The following PTK2 variants were observed in gnomAD, a reference collection of about 807,000 sequenced individuals.
The protein encoded by PTK2 is focal adhesion kinase 1.
A neutral mutation model predicts 150.1 loss-of-function variants in PTK2; 45 were observed. That is an observed-to-expected ratio of 0.30 (90% CI 0.24 to 0.38). The LOEUF is 0.38. Among genes scored for constraint, PTK2 ranks in the 10% least tolerant of loss-of-function variants. The probability of loss-of-function intolerance (pLI) is 1.00; values close to 1 mark genes in which losing one functional copy is unlikely to be tolerated. For synonymous variants in PTK2, 432 were observed against 449.2 expected, an observed-to-expected ratio of 0.96 and a Z score of 0.48; for missense variants, 919 against 1,307.3, an observed-to-expected ratio of 0.70 and a Z score of 4.58.
rs58884387 is a variant in PTK2 at position 140,699,156 on chromosome 8, C to T, written c.2499+1735G>A. Among the ~76,000 whole-genome samples the T allele has an allele frequency of 4.3e-3, 652 of 152,014 alleles. 9 individuals are homozygous for T. Among genetic ancestry groups the T allele is most frequent in the African/African-American group, 0.015 (618 of 41,430 alleles). On this transcript the variant is annotated intron_variant, in intron 26 of 31. Coordinates refer to ENST00000522684, the Ensembl canonical transcript of PTK2. Reference sequence around the variant, plus strand: ...GAAGGAAAGTTTTATCCTATGCTTTCGAAATTCTAAATTAGTTAAATTTAA... The same window carrying T: ...GAAGGAAAGTTTTATCCTATGCTTTTGAAATTCTAAATTAGTTAAATTTAA...
At chr8:140,831,736 T>C (rs2100115515) in intron 7 of PTK2, among the ~76,000 whole-genome samples, 2 of 152,270 alleles carry the variant, frequency 1.3e-5, no homozygotes, top group Admixed American at 1.3e-4. Flanking sequence ...ATTTAACTAC[T>C]GGTTTTACAT....
At chr8:140,769,226 C>A (rs1378048007) in intron 14 of PTK2, among the ~76,000 whole-genome samples, 1 of 152,152 alleles carries the variant, frequency 6.6e-6, no homozygotes, top group East Asian at 1.9e-4. Context: ...CACACAGATA[C>A]CACACTTGGG....
intron 26 of PTK2, chr8:140,686,923 G>C (rs1323857790): frequency 1.9e-6 from 1 of 521,290 alleles, no homozygotes; most frequent in East Asian, 3.4e-5. Context: ...TACCTGCACT[G>C]GCCCACCCAG....
At chr8:140,871,309 T>C (rs978600313) in intron 4 of PTK2, among the ~76,000 whole-genome samples, 8 of 152,180 alleles carry the variant, frequency 5.3e-5, no homozygotes, top group Admixed American at 5.2e-4. Flanking sequence ...GGAATGATCA[T>C]GGAATATGGA....
At chr8:140,882,226 T>G (rs918367144) in intron 3 of PTK2, among the ~76,000 whole-genome samples, 1 of 152,204 alleles carries the variant, frequency 6.6e-6, no homozygotes. Context: ...TTAAGTAATT[T>G]TGAGAACTAA....
intron 7 of PTK2, among the ~76,000 whole-genome samples, chr8:140,840,014 T>C (rs1000465781): frequency 1.3e-5 from 2 of 152,060 alleles, no homozygotes; most frequent in African/African-American, 4.8e-5. Context: ...AGCAGAACAA[T>C]ATATTTGGAA....
intron 8 of PTK2, among the ~76,000 whole-genome samples, chr8:140,829,599 TA>T (rs2100114078): frequency 6.6e-6 from 1 of 152,162 alleles, no homozygotes; most frequent in East Asian, 1.9e-4. Context: ...CATTTTCTCA[TA>T]ATGAGTATCT....
chr8:140,870,425 A>T (rs1191522679), intron 4 of PTK2, among the ~76,000 whole-genome samples: 1 of 152,262 alleles, frequency 6.6e-6, no homozygotes, highest in African/African-American at 2.4e-5. Context: ...AATGAAAACA[A>T]GTGAGCTAAG....
rs112005421 is a variant in PTK2, at chr8:140,929,344, A to G, written c.-121-3595T>C. 6.2e-3 allele frequency among the ~76,000 whole-genome samples: 947 copies of G among 152,302 alleles called. 11 individuals are homozygous for G. The highest frequency in any genetic ancestry group is 0.021 in the African/African-American group (869 of 41,560). ...TATATTTTACAACAAATCTGCAAAT[A>G]TAATTATGTTTACTTTTATAAATGA... On this transcript the variant is annotated intron_variant, in intron 1 of 31. Transcript: ENST00000522684.
At chr8:140,670,456 CAAAAAAAAAAAA>C (rs10558474) in intron 29 of PTK2, among the ~76,000 whole-genome samples, 2 of 17,834 alleles carry the variant, frequency 1.1e-4, no homozygotes, top group South Asian at 2.9e-3. Context: ...CACTGTGTCT[CAAAAAAAAAAAA>C]AAAAAAAAAA....
chr8:140,746,927 T>G, intron 17 of PTK2, 67 bp from the exon 21 acceptor site: 1 of 1,113,296 alleles, frequency 9.0e-7, no homozygotes, highest in Non-Finnish European at 1.3e-6. Context: ...AGTCTCATTC[T>G]GTCACCAGGC....
chr8:140,993,782 T>G (rs1487353668), intron 1 of PTK2, among the ~76,000 whole-genome samples: 1 of 152,012 alleles, frequency 6.6e-6, no homozygotes, highest in Non-Finnish European at 1.5e-5. Flanking sequence ...CAGGCTGGAG[T>G]GCAATGGTGC....
intron 8 of PTK2, among the ~76,000 whole-genome samples, chr8:140,819,563 T>G (rs554262239): frequency 1.3e-5 from 2 of 152,362 alleles, no homozygotes; most frequent in South Asian, 4.1e-4. Context: ...TAAACTATGG[T>G]GTATCTATCT....
At chr8:140,714,240 CTATAAAACTTACAAAACTTTTCACT>C (rs2100038315) in intron 23 of PTK2, among the ~76,000 whole-genome samples, 1 of 152,050 alleles carries the variant, frequency 6.6e-6, no homozygotes, top group South Asian at 2.1e-4. Flanking sequence ...GACTTTTCAC[CTATAAAACTTACAAAACTTTTCACT>C]TATAAAACTA....
intron 16 of PTK2, among the ~76,000 whole-genome samples, chr8:140,752,869 C>T (rs1482682149): frequency 1.3e-5 from 2 of 152,104 alleles, no homozygotes; most frequent in African/African-American, 4.8e-5. Context: ...CAGTGTATAG[C>T]GTGCTCAAGG....
chr8:140,963,014 T>A (rs1039855465), intron 1 of PTK2, among the ~76,000 whole-genome samples: 3 of 151,870 alleles, frequency 2.0e-5, no homozygotes, highest in Non-Finnish European at 4.4e-5. Flanking sequence ...TTTGAATGCA[T>A]CCCAATAAAT....
intron 5 of PTK2, among the ~76,000 whole-genome samples, chr8:140,849,063 A>G (rs2154604529): frequency 6.6e-6 from 1 of 152,378 alleles, no homozygotes; most frequent in African/African-American, 2.4e-5. Flanking sequence ...CTTCATTTAA[A>G]AAATCTCATT....
At chr8:140,886,582 C>T (rs949248728) in intron 3 of PTK2, among the ~76,000 whole-genome samples, 7 of 152,164 alleles carry the variant, frequency 4.6e-5, no homozygotes, top group Non-Finnish European at 1.0e-4. Context: ...CTCTTGCATC[C>T]TGCTACAGTA....
At chr8:140,729,748 G>A (rs1352115192) in intron 22 of PTK2, among the ~76,000 whole-genome samples, 1 of 152,092 alleles carries the variant, frequency 6.6e-6, no homozygotes, top group African/African-American at 2.4e-5. Flanking sequence ...CACACTTAAT[G>A]ACTTCTAGCC....
Sources: allele counts gnomAD v4.1 joint callset (sites outside exome capture counted in the v4.1 genomes callset), GRCh38; gene constraint gnomAD v4.1.1; transcripts MANE v1.5; gene names NCBI Gene and HGNC (gene_info 2026-07-23, HGNC 2026-07-21).